The following LRP1 variants were observed in gnomAD, a reference collection of about 807,000 sequenced individuals.
LRP1 encodes the protein LDL receptor related protein 1.
Under a neutral mutation model 541.5 loss-of-function variants are expected in LRP1, and 51 were observed. That is an observed-to-expected ratio of 0.09 (90% confidence interval 0.08 to 0.12). The LOEUF (loss-of-function observed/expected upper bound fraction) is 0.12, where lower values mean the gene tolerates loss of function less well. Ranked by LOEUF, LRP1 falls within the 10% of genes least tolerant of loss-of-function variation. The probability of loss-of-function intolerance (pLI) is 1.00; values close to 1 mark genes in which losing one functional copy is unlikely to be tolerated. For missense variants in LRP1, 3,878 were observed against 6,376.2 expected (o/e 0.61, Z 13.34); for synonymous variants, 2,219 against 2,470.8 (o/e 0.90, Z 3.02).
intron 1 of LRP1, among the ~76,000 whole-genome samples, chr12:57,134,498 C>T (rs1175518683): frequency 6.6e-6 from 1 of 152,190 alleles, no homozygotes; most frequent in African/African-American, 2.4e-5. Context: ...ATCACCCAGA[C>T]TGAAATGCAA....
chr12:57,184,173 T>C lies in LRP1; in HGVS notation c.6018T>C (p.Gly2006=), dbSNP rs756417689. Reference sequence around the variant, plus strand: ...TCCGCTACGTGGTGATCTCCCAGGGTCTAGACAAGCCCCGGGCCATCACCG... The same window carrying C: ...TCCGCTACGTGGTGATCTCCCAGGGCCTAGACAAGCCCCGGGCCATCACCG... ...GSFRYVVISQ[G]LDKPRAITVH... is the part of the protein sequence containing the mutation. The change falls in exon 37 of 89, where the codon GGT becomes GGC. Residue 2006 remains glycine (G), a synonymous_variant. Coordinates refer to ENST00000243077, the MANE Select transcript of LRP1 (RefSeq NM_002332.3). The surrounding 1 kb of genome is among the most constrained non-coding windows in gnomAD (Gnocchi z 7.8). The C allele has an allele frequency of 1.2e-6, 2 of 1,613,834 alleles. No individual in the cohort carries two copies. The highest frequency in any genetic ancestry group is 2.7e-5 in the African/African-American group (2 of 74,842).
intron 83 of LRP1, 99 bp downstream of exon 83, chr12:57,210,978 C>A: frequency 6.7e-7 from 1 of 1,483,734 alleles, no homozygotes; most frequent in Non-Finnish European, 9.1e-7. Flanking sequence ...CCCACAGGGG[C>A]AAGTTCAGGA....
In LRP1 at chr12:57,205,216, G is replaced by C; in HGVS notation, c.11302G>C (p.Gly3768Arg). The C allele has an allele frequency of 3.7e-6, 6 of 1,613,816 alleles. No individual in the cohort carries two copies. Among genetic ancestry groups the C allele is most frequent in the Non-Finnish European group, 5.1e-6 (6 of 1,179,962 alleles). The change falls in exon 73 of 89, where the codon GGG becomes CGG. Residue 3768 changes from glycine to arginine, a missense_variant. Gly to Arg is a moderately radical substitution (Grantham distance 125, BLOSUM62 -2). Coordinates refer to ENST00000243077, the MANE Select transcript of LRP1 (RefSeq NM_002332.3). This position sits in a 1 kb window ranked among gnomAD's most constrained non-coding sequence, Gnocchi z 4.6. ...SLRCNMFDDC[G>R]DGSDEEDCSI... ...GCGCTGCAACATGTTCGATGACTGCGGGGACGGCTCTGACGAGGAGGACTG... is the reference window on the plus strand; with the variant it reads ...GCGCTGCAACATGTTCGATGACTGCCGGGACGGCTCTGACGAGGAGGACTG...
Position 57,190,797 on chromosome 12 carries a change from T to TC in LRP1, c.7032-3dup, listed in dbSNP as rs1565742971. 1.9e-6 allele frequency: 3 copies of TC among 1,613,162 alleles called. No homozygotes were observed. In the South Asian group the frequency reaches 3.3e-5, roughly 18 times the overall value. Reference sequence around the variant, plus strand: ...TTGCCTCCTGATCTCTGGACCCTCTTCCCCCAGCCTCATGTTCTGGACCAA... The same window carrying TC: ...TTGCCTCCTGATCTCTGGACCCTCTTCCCCCCAGCCTCATGTTCTGGACCAA... On this transcript the variant is annotated splice_polypyrimidine_tract_variant and splice_region_variant and intron_variant, in intron 42 of 88. Transcript: ENST00000243077.
rs2036205439 is a variant in LRP1, at chr12:57,183,341, T to C, written c.5663-38T>C. The C allele has an allele frequency of 3.2e-6, 5 of 1,582,558 alleles. No individual in the cohort carries two copies. The highest frequency in any genetic ancestry group is 4.3e-6 in the Non-Finnish European group (5 of 1,157,472). The stretch of plus-strand genomic sequence containing the variant: ...GACAGGAACCAAGTTTAAGGGAGTG[T>C]TGGCGATACCCATGCCTTAAGTTTC... On this transcript the variant is annotated intron_variant, in intron 34 of 88. Transcript: ENST00000243077. The surrounding 1 kb of genome is among the most constrained non-coding windows in gnomAD (Gnocchi z 6.1).
Position 57,198,690 on chromosome 12 carries a change from T to G in LRP1, c.9676+20T>G. On this transcript the variant is annotated intron_variant, in intron 60 of 88. Transcript: ENST00000243077. ...ACGTTGGTCAGTGTGCCAGTGAGGCTGTCCAGGCACAGCAGACTCAGTGGG... is the reference window on the plus strand; with the variant it reads ...ACGTTGGTCAGTGTGCCAGTGAGGCGGTCCAGGCACAGCAGACTCAGTGGG... 6.3e-7 allele frequency: 1 copy of G among 1,592,938 alleles called. No homozygotes were observed.
chr12:57,180,503 A>C (rs2036141615), intron 32 of LRP1, 24 bp downstream of exon 32: 1 of 1,613,218 alleles, frequency 6.2e-7, no homozygotes, highest in Admixed American at 1.7e-5. Flanking sequence ...GGCGAAGCAG[A>C]GATGACGCAG....
chr12:57,131,994 G>A (rs1338921928), intron 1 of LRP1: 1 of 152,486 alleles, frequency 6.6e-6, no homozygotes, highest in Non-Finnish European at 1.5e-5. Context: ...TCTTCTCAGG[G>A]TCCTCCTCAC....
In LRP1 at chr12:57,213,340, T is replaced by TAAAAAAAAAAAAAAAAAAGGCTAAAA. The variant is rs2036959641; in HGVS notation, c.*803_*804insGGCTAAAAAAAAAAAAAAAAAAAAAA. 1 of 95,616 alleles carries TAAAAAAAAAAAAAAAAAAGGCTAAAA rather than the reference T, an allele frequency of 1.0e-5. No individual in the cohort carries two copies. The highest frequency in any genetic ancestry group is 1.2e-4 in the Admixed American group (1 of 8,100). 5.9% of individuals were successfully genotyped at this position (95,616 alleles called of 1,614,324 possible). A position where few individuals can be genotyped will look rare whatever the true frequency, so the allele number is the denominator to read the frequency against. ...ACAGATATTGTTATAAATAAAATTG[T>TAAAAAAAAAAAAAAAAAAGGCTAAAA]AAAAAAAAAAAAAAAAAAAAAGGCC... On this transcript the variant is annotated 3_prime_UTR_variant, in exon 89 of 89. Transcript: ENST00000243077.
intron 44 of LRP1, among the ~76,000 whole-genome samples, chr12:57,191,939 CA>C (rs1795388865): frequency 4.5e-5 from 2 of 44,358 alleles, no homozygotes; most frequent in Non-Finnish European, 9.9e-5. Context: ...ACCACACACA[CA>C]CCACATACAC....
In LRP1 at chr12:57,158,648, C is replaced by G. The variant is rs2136678816; in HGVS notation, c.1798+10C>G. 6.2e-7 allele frequency: 1 copy of G among 1,611,732 alleles called. No individual in the cohort carries two copies. Among genetic ancestry groups the G allele is most frequent in the East Asian group, 2.2e-5 (1 of 44,854 alleles). On this transcript the variant is annotated intron_variant, in intron 11 of 88. Coordinates refer to ENST00000243077, the MANE Select transcript of LRP1 (RefSeq NM_002332.3). This position sits in a 1 kb window ranked among gnomAD's most constrained non-coding sequence, Gnocchi z 5.3. The stretch of plus-strand genomic sequence containing the variant: ...ACCATCCTGAAGGACGGTATGGGCT[C>G]CTAGGGATGTGGCCCATGGGGATGG...
chr12:57,138,937 C>T (rs1269252612), intron 2 of LRP1, among the ~76,000 whole-genome samples: 3 of 152,204 alleles, frequency 2.0e-5, no homozygotes, highest in Admixed American at 6.5e-5. Context: ...CAGGTCTTGT[C>T]GGATCCTCAG....
chr12:57,200,780 A>G lies in LRP1; in HGVS notation c.10190A>G (p.Asn3397Ser), dbSNP rs2036632716. The G allele has an allele frequency of 1.2e-6, 2 of 1,613,884 alleles. No individual in the cohort carries two copies. The change falls in exon 64 of 89, where the codon AAT becomes AGT. Residue 3397 changes from asparagine to serine, a missense_variant. Around this residue, in one of 13 missense-constraint regions of LRP1, gnomAD observed 278 missense variants for 536.3 expected, o/e 0.52. Coordinates refer to ENST00000243077, the MANE Select transcript of LRP1 (RefSeq NM_002332.3). ...CCTGCCTTCATCTGCGATGGCGACA[A>G]TGACTGCCAGGACAACAGTGACGAG... ...TNPAFICDGD[N>S]DCQDNSDEAN...
In LRP1 at chr12:57,193,570, C is replaced by T. The variant is rs1282702662; in HGVS notation, c.7689C>T (p.Ser2563=). 6.2e-7 allele frequency: 1 copy of T among 1,613,806 alleles called. No individual in the cohort carries two copies. The highest frequency in any genetic ancestry group is 8.5e-7 in the Non-Finnish European group (1 of 1,179,854). Residue 2563 remains serine (S), a synonymous_variant, in exon 47 of 89, where the codon TCC becomes TCT. Transcript: ENST00000243077. ...KSDEKPSYCN[S]RRCKKTFRQC... ...AGCCTACTCCTCCATTTGCAGACTC[C>T]CGCCGCTGCAAGAAGACTTTCCGGC...
chr12:57,144,300 AT>A (rs897079604), intron 4 of LRP1, among the ~76,000 whole-genome samples: 2 of 151,640 alleles, frequency 1.3e-5, no homozygotes, highest in Admixed American at 6.6e-5. Context: ...ATGTTCCACA[AT>A]TTTTTTTTCT....
chr12:57,188,222 A>G (rs2036307069), intron 42 of LRP1, among the ~76,000 whole-genome samples: 1 of 152,188 alleles, frequency 6.6e-6, no homozygotes, highest in Non-Finnish European at 1.5e-5. Context: ...CCGCAGGGGC[A>G]GCCCTCATCC....
chr12:57,160,745 A>G, intron 12 of LRP1, 148 bp from the exon 13 acceptor site: 1 of 623,722 alleles, frequency 1.6e-6, no homozygotes. Context: ...TGTTGAATGG[A>G]GTGAATGAAT....
chr12:57,192,723 G>T, intron 44 of LRP1, 122 bp from the exon 45 acceptor site: 1 of 1,380,122 alleles, frequency 7.2e-7, no homozygotes, highest in South Asian at 1.3e-5. Flanking sequence ...AAGCCGCTGT[G>T]CCTGCCGTGA....
In LRP1 at chr12:57,158,405, C is replaced by T. The variant is rs2035663546; in HGVS notation, c.1565C>T (p.Pro522Leu). Residue 522 changes from proline (P) to leucine (L), a missense_variant, in exon 11 of 89, where the codon CCG (proline) becomes CTG (leucine). Pro to Leu is a moderately conservative substitution (Grantham distance 98, BLOSUM62 -3). Transcript: ENST00000243077. The surrounding 1 kb of genome is among the most constrained non-coding windows in gnomAD (Gnocchi z 5.3). ...LGSDGKSCKKPEHELFLVYGK... is the reference protein window; with the variant it reads ...LGSDGKSCKKLEHELFLVYGK... ...CCCTGGCTTGTGCCTGCTCTAGAGC[C>T]GGAGCATGAGCTGTTCCTCGTGTAT... The T allele has an allele frequency of 1.9e-6, 3 of 1,604,644 alleles. No homozygotes were observed. Among genetic ancestry groups the T allele is most frequent in the African/African-American group, 1.3e-5 (1 of 74,770 alleles).
Sources: allele counts gnomAD v4.1 joint callset (sites outside exome capture counted in the v4.1 genomes callset), GRCh38; gene constraint gnomAD v4.1.1; regional missense constraint gnomAD v4.1.1; non-coding constraint Gnocchi (gnomAD v3.1); transcripts MANE v1.5; gene names NCBI Gene and HGNC (gene_info 2026-07-23, HGNC 2026-07-21).